VAV3: variants seen among roughly 807,000 people sequenced by gnomAD.
VAV3 encodes the protein vav guanine nucleotide exchange factor 3.
A neutral mutation model predicts 131.2 loss-of-function variants in VAV3; 94 were observed. That is an observed-to-expected ratio of 0.72 (90% CI 0.61 to 0.85). The LOEUF (loss-of-function observed/expected upper bound fraction) is 0.85, where lower values mean the gene tolerates loss of function less well. Ranked by LOEUF, VAV3 falls within the 40% of genes least tolerant of loss-of-function variation. The probability of loss-of-function intolerance (pLI) is 0.00; values close to 1 mark genes in which losing one functional copy is unlikely to be tolerated. For missense variants in VAV3, 939 were observed against 1,002.7 expected (o/e 0.94, Z 0.86); for synonymous variants, 349 against 342.0 (o/e 1.02, Z -0.22).
At chr1:107,637,087 G>A (rs932787582) in intron 20 of VAV3, among the ~76,000 whole-genome samples, 2 of 152,052 alleles carry the variant, frequency 1.3e-5, no homozygotes, top group Admixed American at 6.6e-5. Context: ...CTATCTAGTC[G>A]GGCTGACCAG....
intron 19 of VAV3, among the ~76,000 whole-genome samples, chr1:107,644,279 A>G (rs1469891143): frequency 1.3e-5 from 2 of 152,140 alleles, no homozygotes; most frequent in Admixed American, 1.3e-4. Flanking sequence ...AAGAACTCCA[A>G]CAGGTGGAAG....
intron 1 of VAV3, among the ~76,000 whole-genome samples, chr1:107,895,867 T>TCCTC (rs138836065): frequency 0.16 from 24,198 of 152,118 alleles, 1,996 homozygotes; most frequent in South Asian, 0.22. Context: ...ATGAAAATTC[T>TCCTC]TTATTGTTAC....
intron 2 of VAV3, among the ~76,000 whole-genome samples, chr1:107,867,674 G>C (rs777236313): frequency 2.0e-5 from 3 of 152,148 alleles, no homozygotes; most frequent in Admixed American, 6.6e-5. Flanking sequence ...ACTGCTCAGG[G>C]GGACAAAGCA....
chr1:107,682,579 G>C (rs1224965146), intron 19 of VAV3, among the ~76,000 whole-genome samples: 2 of 151,988 alleles, frequency 1.3e-5, no homozygotes, highest in Non-Finnish European at 2.9e-5. Flanking sequence ...TTTCTAGCCA[G>C]AGGCAACAAA....
intron 20 of VAV3, among the ~76,000 whole-genome samples, chr1:107,631,927 G>A (rs1015149862): frequency 5.3e-5 from 8 of 151,738 alleles, no homozygotes; most frequent in Admixed American, 2.0e-4. Flanking sequence ...GAATAATGCC[G>A]CAATAAACAT....
chr1:107,607,932 A>G (rs1652423300), intron 22 of VAV3, among the ~76,000 whole-genome samples: 1 of 152,190 alleles, frequency 6.6e-6, no homozygotes, highest in African/African-American at 2.4e-5. Context: ...TAAATAGTTT[A>G]GTATTTCTAA....
chr1:107,769,180 C>T (rs1446598041), intron 6 of VAV3, among the ~76,000 whole-genome samples: 1 of 152,218 alleles, frequency 6.6e-6, no homozygotes, highest in East Asian at 1.9e-4. Context: ...ATCATATCCT[C>T]ATTTCCCTCC....
chr1:107,628,956 T>A (rs1042281641), intron 20 of VAV3, among the ~76,000 whole-genome samples: 2 of 152,184 alleles, frequency 1.3e-5, no homozygotes, highest in African/African-American at 4.8e-5. Context: ...ATCGTGTAGA[T>A]GTATGATTAG....
At chr1:107,867,780 T>C (rs140459911) in intron 2 of VAV3, among the ~76,000 whole-genome samples, 1 of 152,158 alleles carries the variant, frequency 6.6e-6, no homozygotes, top group African/African-American at 2.4e-5. Flanking sequence ...GTGGGAAAAT[T>C]CCAGACCCTT....
intron 2 of VAV3, among the ~76,000 whole-genome samples, chr1:107,828,266 T>C (rs917520577): frequency 6.6e-6 from 1 of 152,128 alleles, no homozygotes; most frequent in African/African-American, 2.4e-5. Flanking sequence ...CTTTCAAGCG[T>C]ACAAGATTCA....
intron 1 of VAV3, among the ~76,000 whole-genome samples, chr1:107,959,585 A>G (rs529914615): frequency 1.3e-5 from 2 of 152,112 alleles, no homozygotes; most frequent in East Asian, 3.9e-4. Flanking sequence ...CCTCATGGCC[A>G]TTGCCTCTCA....
At chr1:107,577,313 C>T (rs1649728847) in intron 25 of VAV3, among the ~76,000 whole-genome samples, 1 of 152,220 alleles carries the variant, frequency 6.6e-6, no homozygotes, top group Non-Finnish European at 1.5e-5. Flanking sequence ...CACTACTGTG[C>T]AACTGCCACT....
intron 1 of VAV3, among the ~76,000 whole-genome samples, chr1:107,940,927 C>T (rs1300883763): frequency 1.3e-5 from 2 of 151,794 alleles, no homozygotes; most frequent in African/African-American, 4.8e-5. Flanking sequence ...GTACTTAATG[C>T]CACAGAACAA....
At chr1:107,605,963 T>G (rs1218567240) in intron 22 of VAV3, among the ~76,000 whole-genome samples, 1 of 152,132 alleles carries the variant, frequency 6.6e-6, no homozygotes, top group East Asian at 1.9e-4. Context: ...TCTGGAGCCT[T>G]TTCTTCTGAG....
chr1:107,679,707 T>C (rs1010149214), intron 19 of VAV3, among the ~76,000 whole-genome samples: 3 of 152,316 alleles, frequency 2.0e-5, no homozygotes, highest in Middle Eastern at 3.4e-3. Flanking sequence ...ACTTTGACCT[T>C]GAGTGCCACT....
chr1:107,598,875 T>C (rs1651611307), intron 24 of VAV3, among the ~76,000 whole-genome samples: 1 of 152,042 alleles, frequency 6.6e-6, no homozygotes, highest in African/African-American at 2.4e-5. Flanking sequence ...CCTAGTCTTA[T>C]TACTTAAATT....
At chr1:107,659,978 AC>A (rs1224098520) in intron 19 of VAV3, among the ~76,000 whole-genome samples, 4 of 152,070 alleles carry the variant, frequency 2.6e-5, no homozygotes, top group Admixed American at 2.6e-4. Context: ...CCTTTCCCCC[AC>A]CTCAAGACAC....
chr1:107,913,276 G>A (rs2101124928), intron 1 of VAV3, among the ~76,000 whole-genome samples: 1 of 152,292 alleles, frequency 6.6e-6, no homozygotes, highest in South Asian at 2.1e-4. Context: ...CCAGAGAAAT[G>A]TCAGAAGGCC....
At chr1:107,820,641 G>A (rs998023432) in intron 2 of VAV3, 1 of 152,058 alleles carries the variant, frequency 6.6e-6, no homozygotes, top group African/African-American at 2.4e-5. Flanking sequence ...ACAAAGAAAT[G>A]ATAAATATTT....
Sources: gnomAD v4.1 joint callset for allele counts (sites outside exome capture counted in the v4.1 genomes callset) on GRCh38, gnomAD v4.1.1 for gene constraint, MANE v1.5 for transcripts, NCBI Gene and HGNC (gene_info 2026-07-23, HGNC 2026-07-21) for gene names.